PCDH9: variants seen among roughly 807,000 people sequenced by gnomAD.
The protein encoded by PCDH9 is protocadherin 9.
Under a neutral mutation model 70.6 loss-of-function variants are expected in PCDH9, and 24 were observed. That is an observed-to-expected ratio of 0.34 (90% CI 0.25 to 0.48). The LOEUF (loss-of-function observed/expected upper bound fraction) is 0.48. Ranked by LOEUF, PCDH9 falls within the 20% of genes least tolerant of loss-of-function variation. The pLI, the probability that PCDH9 is intolerant of heterozygous loss-of-function variation, is 0.99. For missense variants in PCDH9, 1,281 were observed against 1,503.6 expected (o/e 0.85, Z 2.45); for synonymous variants, 562 against 558.5 (o/e 1.01, Z -0.09).
chr13:66,976,729 T>G (rs576303745), intron 2 of PCDH9, among the ~76,000 whole-genome samples: 3 of 152,242 alleles, frequency 2.0e-5, no homozygotes, highest in Admixed American at 2.0e-4. Context: ...AACTGTAATT[T>G]GTCATTTGTA....
At chr13:66,555,648 C>T (rs1231831697) in intron 4 of PCDH9, among the ~76,000 whole-genome samples, 1 of 124,936 alleles carries the variant, frequency 8.0e-6, no homozygotes, top group Admixed American at 7.8e-5. Flanking sequence ...GGGCTTTTGA[C>T]ATTTTCATTT....
At chr13:66,525,011 C>A (rs1264380899) in intron 4 of PCDH9, among the ~76,000 whole-genome samples, 1 of 151,966 alleles carries the variant, frequency 6.6e-6, no homozygotes, top group Non-Finnish European at 1.5e-5. Flanking sequence ...AGAGCATGAA[C>A]ATGTGCTTGC....
chr13:66,750,098 C>A (rs905381254), intron 3 of PCDH9, among the ~76,000 whole-genome samples: 1 of 151,706 alleles, frequency 6.6e-6, no homozygotes, highest in Non-Finnish European at 1.5e-5. Context: ...TGCATGTGCA[C>A]ACACACACAC....
At position 67,013,646 on chromosome 13, in the gene PCDH9, C is replaced by G. The variant is rs547019393; in HGVS notation, c.3037-110041G>C. Among the ~76,000 whole-genome samples, 186 of 151,890 alleles carry G rather than the reference C, an allele frequency of 1.2e-3. 1 individual carries two copies. Among genetic ancestry groups the G allele is most frequent in the African/African-American group, 4.4e-3 (181 of 41,464 alleles). On this transcript the variant is annotated intron_variant, in intron 2 of 4. Coordinates refer to ENST00000377865, the MANE Select transcript of PCDH9 (RefSeq NM_203487.3). ...ACCTATTATTTGTACATAGACTGAG[C>G]CTGCTCACTTATCATTCCTCAGATG...
intron 3 of PCDH9, among the ~76,000 whole-genome samples, chr13:66,666,303 A>AG (rs1378098528): frequency 6.6e-6 from 1 of 152,162 alleles, no homozygotes; most frequent in Non-Finnish European, 1.5e-5. Flanking sequence ...ACAGGCAGCA[A>AG]GGGAAGTCCT....
At chr13:67,067,519 A>T (rs542350803) in intron 2 of PCDH9, among the ~76,000 whole-genome samples, 1 of 152,216 alleles carries the variant, frequency 6.6e-6, no homozygotes, top group East Asian at 1.9e-4. Context: ...ACCCTATCGG[A>T]TAGCACATAC....
intron 4 of PCDH9, among the ~76,000 whole-genome samples, chr13:66,603,383 T>C (rs1229945766): frequency 6.6e-6 from 1 of 152,036 alleles, no homozygotes; most frequent in African/African-American, 2.4e-5. Flanking sequence ...ATACCTTGGA[T>C]ACATTTAGCA....
Position 67,044,586 on chromosome 13 carries a change from G to A in PCDH9, c.3037-140981C>T, listed in dbSNP as rs189811632. ...CTCCAGGCCATCCCTTTAAAAACAA[G>A]TCTAATTCTTTCAATGGAGTACCAT... On this transcript the variant is annotated intron_variant, in intron 2 of 4. Coordinates refer to ENST00000377865, the MANE Select transcript of PCDH9 (RefSeq NM_203487.3). Among the ~76,000 whole-genome samples, 151 of 152,200 alleles carry A rather than the reference G, an allele frequency of 9.9e-4. 1 individual carries two copies. Among genetic ancestry groups the A allele is most frequent in the Admixed American group, 2.0e-3 (30 of 15,264 alleles).
chr13:67,020,818 A>G lies in PCDH9; in HGVS notation c.3037-117213T>C, dbSNP rs572232082. Among the ~76,000 whole-genome samples, 4 of 152,326 alleles carry G rather than the reference A, an allele frequency of 2.6e-5. No individual in the cohort carries two copies. The South Asian group carries it at 8.3e-4, about 32-fold the overall frequency. On this transcript the variant is annotated intron_variant, in intron 2 of 4. Transcript: ENST00000377865. The stretch of plus-strand genomic sequence containing the variant: ...GTTTTAACTAGATTATATATCTGTC[A>G]TCTGTTAATTGTGAATCCTATGGGA...
chr13:66,598,389 TAGAGA>T (rs1192671811), intron 4 of PCDH9, among the ~76,000 whole-genome samples: 1 of 151,828 alleles, frequency 6.6e-6, no homozygotes, highest in Admixed American at 6.6e-5. Flanking sequence ...GACAAGTTGA[TAGAGA>T]ATTGTTCAAA....
intron 4 of PCDH9, among the ~76,000 whole-genome samples, chr13:66,544,116 G>C (rs1021118606): frequency 2.0e-5 from 3 of 152,056 alleles, no homozygotes; most frequent in African/African-American, 7.2e-5. Flanking sequence ...ATGATATACA[G>C]GACCTTTGAT....
At chr13:67,130,515 C>T (rs1346311352) in intron 2 of PCDH9, among the ~76,000 whole-genome samples, 1 of 150,904 alleles carries the variant, frequency 6.6e-6, no homozygotes, top group African/African-American at 2.4e-5. Flanking sequence ...CAAAGTGAAA[C>T]ATTTCACAGG....
chr13:66,439,975 A>G (rs1007284158), intron 4 of PCDH9, among the ~76,000 whole-genome samples: 10 of 152,176 alleles, frequency 6.6e-5, no homozygotes, highest in African/African-American at 2.2e-4. Context: ...TAATTTCTCA[A>G]GTGCACATTT....
intron 2 of PCDH9, among the ~76,000 whole-genome samples, chr13:67,148,899 A>G (rs527477971): frequency 6.6e-6 from 1 of 152,332 alleles, no homozygotes; most frequent in South Asian, 2.1e-4. Flanking sequence ...TTTGATTCCT[A>G]TGATGGAAAA....
At chr13:67,028,415 C>G (rs169002) in intron 2 of PCDH9, among the ~76,000 whole-genome samples, 3 of 115,798 alleles carry the variant, frequency 2.6e-5, no homozygotes, top group South Asian at 3.8e-4. Flanking sequence ...CTGGGAACTG[C>G]TGTGGGGTGG....
At chr13:66,530,519 T>C (rs1388910414) in intron 4 of PCDH9, among the ~76,000 whole-genome samples, 2 of 151,984 alleles carry the variant, frequency 1.3e-5, no homozygotes, top group African/African-American at 4.8e-5. Context: ...AACTATGACA[T>C]TAAATAGGAA....
At chr13:67,071,905 AAAAG>A (rs1241760125) in intron 2 of PCDH9, among the ~76,000 whole-genome samples, 1 of 151,624 alleles carries the variant, frequency 6.6e-6, no homozygotes, top group Non-Finnish European at 1.5e-5. Flanking sequence ...AAAAAAAAAA[AAAAG>A]AGAGAATCCT....
chr13:66,881,558 G>C (rs1028152122), intron 3 of PCDH9, among the ~76,000 whole-genome samples: 18 of 152,004 alleles, frequency 1.2e-4, no homozygotes, highest in African/African-American at 4.3e-4. Context: ...ATTTGGTTGG[G>C]GATGCCAAGC....
intron 3 of PCDH9, among the ~76,000 whole-genome samples, chr13:66,843,499 C>A (rs1162931717): frequency 6.6e-6 from 1 of 152,204 alleles, no homozygotes; most frequent in Non-Finnish European, 1.5e-5. Context: ...GAATCCACTT[C>A]ATTTATTCTA....
Sources: allele counts gnomAD v4.1 joint callset (sites outside exome capture counted in the v4.1 genomes callset), GRCh38; gene constraint gnomAD v4.1.1; transcripts MANE v1.5; gene names NCBI Gene and HGNC (gene_info 2026-07-23, HGNC 2026-07-21).